Variants in RPS6KA2 observed in about 807,000 individuals in gnomAD.
The protein encoded by RPS6KA2 is ribosomal protein S6 kinase A2.
In RPS6KA2, 42 loss-of-function variants were observed where a neutral mutation model predicts 91.8. The observed-to-expected ratio is 0.46, with a 90% CI of 0.36 to 0.59. The LOEUF (loss-of-function observed/expected upper bound fraction) is 0.59. RPS6KA2 is among the 20% of genes least tolerant of loss of function. The probability of loss-of-function intolerance (pLI) is 0.00; values close to 1 mark genes in which losing one functional copy is unlikely to be tolerated. For synonymous variants in RPS6KA2, 414 were observed against 393.6 expected, an observed-to-expected ratio of 1.05 and a Z score of -0.61; for missense variants, 798 against 978.5, an observed-to-expected ratio of 0.82 and a Z score of 2.46.
chr6:166,682,933 A>C (rs1246511233), intron 2 of RPS6KA2, among the ~76,000 whole-genome samples: 1 of 152,194 alleles, frequency 6.6e-6, no homozygotes. Context: ...CTTAGACCCA[A>C]ACCAATGAGT....
intron 2 of RPS6KA2, among the ~76,000 whole-genome samples, chr6:166,799,825 T>C (rs1363349942): frequency 6.6e-6 from 1 of 152,138 alleles, no homozygotes; most frequent in Non-Finnish European, 1.5e-5. Context: ...AGTTCTTCAG[T>C]GGTGATTTCT....
chr6:166,524,673 T>C (rs1365880705), intron 3 of RPS6KA2, among the ~76,000 whole-genome samples: 1 of 152,184 alleles, frequency 6.6e-6, no homozygotes, highest in Non-Finnish European at 1.5e-5. Flanking sequence ...TGAACACAGC[T>C]TACACTTTCC....
At chr6:166,795,012 AAAAT>A (rs548923062) in intron 2 of RPS6KA2, among the ~76,000 whole-genome samples, 87 of 152,104 alleles carry the variant, frequency 5.7e-4, no homozygotes, top group South Asian at 2.9e-3. Flanking sequence ...CAATAAAATA[AAAAT>A]AAATAAATAA....
chr6:166,822,761 C>T (rs761013018), intron 2 of RPS6KA2, among the ~76,000 whole-genome samples: 1 of 151,734 alleles, frequency 6.6e-6, no homozygotes, highest in Non-Finnish European at 1.5e-5. Flanking sequence ...AGCAGTGCCT[C>T]ACACATAGGG....
chr6:166,522,078 G>A (rs1782877055), intron 3 of RPS6KA2, among the ~76,000 whole-genome samples: 1 of 152,202 alleles, frequency 6.6e-6, no homozygotes, highest in Non-Finnish European at 1.5e-5. Flanking sequence ...TCTTGGACTT[G>A]TGGCAGAACT....
chr6:166,501,125 G>C (rs1173115827), intron 6 of RPS6KA2, among the ~76,000 whole-genome samples: 14 of 152,206 alleles, frequency 9.2e-5, no homozygotes, highest in Non-Finnish European at 1.9e-4. Flanking sequence ...CCCAGCTCGA[G>C]AAAGCATTTG....
chr6:166,728,197 G>A (rs1160605974), intron 2 of RPS6KA2, among the ~76,000 whole-genome samples: 1 of 152,222 alleles, frequency 6.6e-6, no homozygotes, highest in Non-Finnish European at 1.5e-5. Flanking sequence ...ACCAGATGCA[G>A]AGGGGTGGCT....
At chr6:166,809,941 A>G (rs533556202) in intron 2 of RPS6KA2, among the ~76,000 whole-genome samples, 1 of 152,346 alleles carries the variant, frequency 6.6e-6, no homozygotes, top group Admixed American at 6.5e-5. Flanking sequence ...CTGTTCTCAC[A>G]CTGCTATGAA....
intron 2 of RPS6KA2, among the ~76,000 whole-genome samples, chr6:166,812,554 T>C (rs2128620817): frequency 6.6e-6 from 1 of 152,166 alleles, no homozygotes; most frequent in East Asian, 1.9e-4. Context: ...CCTGTACTTA[T>C]TTAGTGCAAT....
At chr6:166,511,060 C>T (rs1404274265) in intron 3 of RPS6KA2, among the ~76,000 whole-genome samples, 1 of 152,102 alleles carries the variant, frequency 6.6e-6, no homozygotes, top group Non-Finnish European at 1.5e-5. Context: ...TTTTGGTCAC[C>T]AGGTGATGCC....
chr6:166,546,624 TAC>T (rs1302537283), intron 1 of RPS6KA2, among the ~76,000 whole-genome samples: 1 of 152,060 alleles, frequency 6.6e-6, no homozygotes, highest in African/African-American at 2.4e-5. Flanking sequence ...CCAAGAAAAC[TAC>T]AGTCATATCC....
upstream of RPS6KA2, chr6:166,627,447 G>C (rs6927052): frequency 1.3e-4 from 17 of 134,786 alleles, no homozygotes; most frequent in Non-Finnish European, 2.0e-4. Flanking sequence ...CGCCCCGCCC[G>C]GGAGAGCCCC....
At chr6:166,741,618 C>T (rs1322955676) in intron 2 of RPS6KA2, among the ~76,000 whole-genome samples, 1 of 152,178 alleles carries the variant, frequency 6.6e-6, no homozygotes, top group Admixed American at 6.5e-5. Context: ...AGGGATCACC[C>T]ACTGCTTATG....
chr6:166,658,340 C>T (rs1788059650), intron 2 of RPS6KA2, among the ~76,000 whole-genome samples: 1 of 152,204 alleles, frequency 6.6e-6, no homozygotes, highest in South Asian at 2.1e-4. Flanking sequence ...AGCCTTGGCC[C>T]ACTGTACGCA....
chr6:166,646,342 C>A (rs552369519), intron 2 of RPS6KA2, among the ~76,000 whole-genome samples: 1 of 152,218 alleles, frequency 6.6e-6, no homozygotes, highest in Non-Finnish European at 1.5e-5. Flanking sequence ...CACGCCCACA[C>A]GGCCATTGCC....
chr6:166,502,445 A>C (rs1159786647), intron 6 of RPS6KA2, among the ~76,000 whole-genome samples: 1 of 152,254 alleles, frequency 6.6e-6, no homozygotes, highest in Non-Finnish European at 1.5e-5. Context: ...CTTTTCCTTC[A>C]AGCTTGCAAT....
chr6:166,758,631 C>T (rs543156005), intron 2 of RPS6KA2, among the ~76,000 whole-genome samples: 1 of 152,272 alleles, frequency 6.6e-6, no homozygotes, highest in East Asian at 1.9e-4. Flanking sequence ...CCTACAGATG[C>T]AACAGAAGAG....
rs61427273 is a variant in RPS6KA2, at chr6:166,410,857, A to G, written c.*1905T>C. The G allele has an allele frequency of 0.1, 15,621 of 151,974 alleles. 2,523 individuals are homozygous for G. Among genetic ancestry groups the G allele is most frequent in the African/African-American group, 0.35 (14,280 of 41,346 alleles). 9.4% of individuals were successfully genotyped at this position (151,974 alleles called of 1,614,324 possible). A position where few individuals can be genotyped will look rare whatever the true frequency, so the allele number is the denominator to read the frequency against. On this transcript the variant is annotated 3_prime_UTR_variant, in exon 21 of 21. Transcript: ENST00000265678. ...ATCGTTGCCTGTGTAGCAAGCAGAA[A>G]AGGTGATGACTTTTGTTCATTTCTG...
At chr6:166,415,427 G>A (rs563353704) in intron 19 of RPS6KA2, among the ~76,000 whole-genome samples, 1 of 152,294 alleles carries the variant, frequency 6.6e-6, no homozygotes, top group African/African-American at 2.4e-5. Flanking sequence ...TGGAGGACTG[G>A]AGGTTCTGTT....
Sources: gnomAD v4.1 joint callset for allele counts (sites outside exome capture counted in the v4.1 genomes callset) on GRCh38, gnomAD v4.1.1 for gene constraint, MANE v1.5 for transcripts, NCBI Gene and HGNC (gene_info 2026-07-23, HGNC 2026-07-21) for gene names.